Variants in PCDHGA3 observed in about 807,000 individuals in gnomAD.
PCDHGA3 encodes the protein protocadherin gamma subfamily A, 3.
In PCDHGA3, 40 loss-of-function variants were observed where a neutral mutation model predicts 58.5. The observed-to-expected ratio is 0.68, with a 90% CI of 0.53 to 0.89. The LOEUF (loss-of-function observed/expected upper bound fraction) is 0.89, where lower values mean the gene tolerates loss of function less well. Ranked by LOEUF, PCDHGA3 falls within the 40% of genes least tolerant of loss-of-function variation. PCDHGA3 has a pLI of 0.00. For missense variants in PCDHGA3, 1,223 were observed against 1,195.9 expected (o/e 1.02, Z -0.33); for synonymous variants, 530 against 525.7 (o/e 1.01, Z -0.11).
At position 141,368,129 on chromosome 5, in the gene PCDHGA3, C is replaced by A. The variant is rs1188754487; in HGVS notation, c.2424+21672C>A. ...TGTTTCTTATTAAAATATTCTTAAT[C>A]CTTCAAATTTTGTACTTTTAAAACC... On this transcript the variant is annotated intron_variant, in intron 1 of 3. Transcript: ENST00000253812. Among the ~76,000 whole-genome samples, 9 of 152,216 alleles carry A rather than the reference C, an allele frequency of 5.9e-5. No individual in the cohort carries two copies. In the South Asian group the frequency reaches 1.2e-3, roughly 21 times the overall value.
intron 1 of PCDHGA3, among the ~76,000 whole-genome samples, chr5:141,456,287 C>T (rs951430060): frequency 1.3e-5 from 2 of 152,048 alleles, no homozygotes; most frequent in Non-Finnish European, 2.9e-5. Flanking sequence ...TGAAAAGGGG[C>T]GTCTAATGGA....
chr5:141,345,461 C>G lies in PCDHGA3; in HGVS notation c.1428C>G (p.Ala476=). The part of the protein sequence containing the change: ...PRGASIFSVT[A]QDPDSNNNAR... ...GAGCCTCCATCTTCTCAGTGACAGC[C>G]CAGGACCCAGATAGCAACAACAACG... Residue 476 remains alanine, a synonymous_variant, in exon 1 of 4, where the codon GCC becomes GCG. Transcript: ENST00000253812. The G allele has an allele frequency of 1.2e-6, 2 of 1,614,160 alleles. No individual in the cohort carries two copies. Among genetic ancestry groups the G allele is most frequent in the Non-Finnish European group, 1.7e-6 (2 of 1,180,030 alleles).
At chr5:141,360,806 G>A (rs569018820) in intron 1 of PCDHGA3, 25 of 1,613,912 alleles carry the variant, frequency 1.5e-5, no homozygotes, top group East Asian at 2.2e-5. Flanking sequence ...CCTCAAAGTG[G>A]CACGACCCAA....
At chr5:141,403,770 T>A in intron 1 of PCDHGA3, 1 of 1,613,894 alleles carries the variant, frequency 6.2e-7, no homozygotes, top group Non-Finnish European at 8.5e-7. Flanking sequence ...GATGAGGGAA[T>A]CAACGGAAAA....
chr5:141,372,645 T>G (rs1317150065), intron 1 of PCDHGA3: 2 of 1,613,914 alleles, frequency 1.2e-6, no homozygotes, highest in African/African-American at 2.7e-5. Context: ...TTTGCCTTAT[T>G]CCTACAATCC....
chr5:141,410,251 C>A (rs2095372140), intron 1 of PCDHGA3: 5 of 1,613,898 alleles, frequency 3.1e-6, no homozygotes, highest in African/African-American at 1.3e-5. Context: ...TACTCTCTGA[C>A]CCCCAGGCTG....
In PCDHGA3 at chr5:141,476,928, T is replaced by C. The variant is rs1279715094; in HGVS notation, c.2425-17879T>C. 6.2e-7 allele frequency: 1 copy of C among 1,614,142 alleles called. No individual in the cohort carries two copies. The highest frequency in any genetic ancestry group is 2.2e-5 in the East Asian group (1 of 44,868). On this transcript the variant is annotated intron_variant, in intron 1 of 3. Transcript: ENST00000253812. This position sits in a 1 kb window ranked among gnomAD's most constrained non-coding sequence, Gnocchi z 7.6. ...GTGGTACAAGTCCTTGCAACGGATC[T>C]GGATGAAGGCCCCAACGGTGAAATT...
At position 141,361,943 on chromosome 5, in the gene PCDHGA3, G is replaced by T. The variant is rs758202252; in HGVS notation, c.2424+15486G>T. ...GACGCAGACTCAGGACACAACGCTTGGCTGTCCTACCACGTGCTGCAGGCC... is the reference window on the plus strand; with the variant it reads ...GACGCAGACTCAGGACACAACGCTTTGCTGTCCTACCACGTGCTGCAGGCC... On this transcript the variant is annotated intron_variant, in intron 1 of 3. Coordinates refer to ENST00000253812, the MANE Select transcript of PCDHGA3 (RefSeq NM_018916.4). 6.2e-6 allele frequency: 10 copies of T among 1,605,254 alleles called. No individual in the cohort carries two copies. In the Admixed American group the frequency reaches 1.7e-4, roughly 27 times the overall value.
chr5:141,351,441 C>A, intron 1 of PCDHGA3: 1 of 1,612,464 alleles, frequency 6.2e-7, no homozygotes, highest in South Asian at 1.1e-5. Flanking sequence ...GAATCCACCT[C>A]GAAGAATTAT....
intron 1 of PCDHGA3, chr5:141,442,107 C>A: frequency 6.0e-6 from 1 of 166,198 alleles, no homozygotes; most frequent in Non-Finnish European, 1.3e-5. Flanking sequence ...CCACCACTAC[C>A]GCCCCTCGTC....
At chr5:141,373,521 T>A (rs1217518860) in intron 1 of PCDHGA3, among the ~76,000 whole-genome samples, 1 of 152,192 alleles carries the variant, frequency 6.6e-6, no homozygotes, top group African/African-American at 2.4e-5. Context: ...AGACTTTGTC[T>A]CCAAAAAAGT....
intron 1 of PCDHGA3, chr5:141,400,039 C>T: frequency 6.2e-7 from 1 of 1,613,512 alleles, no homozygotes; most frequent in Non-Finnish European, 8.5e-7. Context: ...CCGCCAGCGC[C>T]TGCTGGTTGC....
At chr5:141,391,397 C>T (rs1341257748) in intron 1 of PCDHGA3, 1 of 151,598 alleles carries the variant, frequency 6.6e-6, no homozygotes, top group African/African-American at 2.4e-5. Flanking sequence ...CCTCCAGCCT[C>T]AAACTCCTGG....
At chr5:141,426,919 C>T (rs1220443930) in intron 1 of PCDHGA3, 1 of 456,620 alleles carries the variant, frequency 2.2e-6, no homozygotes, top group African/African-American at 2.0e-5. Flanking sequence ...GTCCTGGAAG[C>T]AATGGACATG....
intron 1 of PCDHGA3, chr5:141,395,360 GT>G: frequency 1.5e-6 from 2 of 1,290,436 alleles, no homozygotes; most frequent in Non-Finnish European, 2.1e-6. Context: ...AGAGTTTTGG[GT>G]TTATTTTGGT....
At chr5:141,395,251 T>G (rs2093205315) in intron 1 of PCDHGA3, 2 of 1,557,062 alleles carry the variant, frequency 1.3e-6, no homozygotes, top group Non-Finnish European at 1.7e-6. Context: ...AGTTTAGTTC[T>G]TTGCTTGCTT....
At chr5:141,424,832 A>G (rs2096843522) in intron 1 of PCDHGA3, among the ~76,000 whole-genome samples, 1 of 152,174 alleles carries the variant, frequency 6.6e-6, no homozygotes. Context: ...TGCCTGACAT[A>G]CATGTTATCT....
intron 1 of PCDHGA3, chr5:141,351,714 A>T: frequency 6.2e-7 from 1 of 1,613,242 alleles, no homozygotes; most frequent in Non-Finnish European, 8.5e-7. Flanking sequence ...AGAGTCTCCT[A>T]CTCTATTCTG....
chr5:141,394,329 T>C (rs769172287), intron 1 of PCDHGA3: 6 of 1,613,980 alleles, frequency 3.7e-6, no homozygotes, highest in Non-Finnish European at 5.1e-6. Context: ...CTCGTATATC[T>C]CCATCAACTC....
Sources: allele counts gnomAD v4.1 joint callset (sites outside exome capture counted in the v4.1 genomes callset), GRCh38; gene constraint gnomAD v4.1.1; non-coding constraint Gnocchi (gnomAD v3.1); transcripts MANE v1.5; gene names NCBI Gene and HGNC (gene_info 2026-07-23, HGNC 2026-07-21).